The following ATOSA variants were observed in gnomAD, a reference collection of about 807,000 sequenced individuals.
ATOSA encodes the protein atos homolog A.
the ATOSA span, among the ~76,000 whole-genome samples, chr15:52,618,677 TTTCTTC>T: frequency 3.3e-5 from 5 of 152,018 alleles, no homozygotes; most frequent in African/African-American, 7.2e-5. Flanking sequence ...AAAAAAGTAT[TTTCTTC>T]TTCTTCTTCT....
chr15:52,634,502 A>G, the ATOSA span, among the ~76,000 whole-genome samples: 3 of 152,186 alleles, frequency 2.0e-5, no homozygotes, highest in African/African-American at 7.2e-5. Flanking sequence ...TGTGAATGGT[A>G]TAAGCATCTT....
the ATOSA span, among the ~76,000 whole-genome samples, chr15:52,616,669 C>T: frequency 6.6e-6 from 1 of 152,124 alleles, no homozygotes; most frequent in Non-Finnish European, 1.5e-5. Flanking sequence ...GTCTATTTCC[C>T]AGGACACTGG....
At chr15:52,639,007 G>C in the ATOSA span, among the ~76,000 whole-genome samples, 1 of 148,208 alleles carries the variant, frequency 6.7e-6, no homozygotes, top group African/African-American at 2.5e-5. Flanking sequence ...AATTACTGGA[G>C]AAAGTGACTT....
At chr15:52,597,226 TTCTATTCTATTCTATTCTATTC>T in the ATOSA span, among the ~76,000 whole-genome samples, 12 of 8,140 alleles carry the variant, frequency 1.5e-3, no homozygotes, top group African/African-American at 1.2e-3. Flanking sequence ...TTCTATTCTA[TTCTATTCTATTCTATTCTATTC>T]TCTATTCTAT....
chr15:52,588,698 C>T, the ATOSA span, among the ~76,000 whole-genome samples: 2 of 152,176 alleles, frequency 1.3e-5, no homozygotes, highest in Non-Finnish European at 2.9e-5. Flanking sequence ...GTGATCCACC[C>T]GCCTCTGCCA....
At chr15:52,678,795 C>T in the ATOSA span, 1 of 153,268 alleles carries the variant, frequency 6.5e-6, no homozygotes, top group African/African-American at 2.4e-5. Context: ...TCCGTCCCGC[C>T]GCGGCCCCGG....
the ATOSA span, chr15:52,678,177 C>T: frequency 4.6e-6 from 4 of 865,162 alleles, no homozygotes; most frequent in Non-Finnish European, 7.5e-6. Flanking sequence ...CCGGACCTTG[C>T]AAGTAAACTA....
chr15:52,603,593 T>C, the ATOSA span, among the ~76,000 whole-genome samples: 1 of 19,702 alleles, frequency 5.1e-5, no homozygotes, highest in East Asian at 1.6e-3. Flanking sequence ...TAAGTGTCCA[T>C]CAATAGATGA....
the ATOSA span, among the ~76,000 whole-genome samples, chr15:52,645,699 C>T: frequency 6.6e-6 from 1 of 152,202 alleles, no homozygotes; most frequent in African/African-American, 2.4e-5. Context: ...AACCATCAGA[C>T]ACAATTCATC....
the ATOSA span, chr15:52,585,134 A>G: frequency 9.5e-5 from 46 of 486,158 alleles, no homozygotes; most frequent in African/African-American, 8.5e-4. Context: ...AAAAGGTTCA[A>G]TTTTTTGTTT....
At chr15:52,626,084 A>C in the ATOSA span, among the ~76,000 whole-genome samples, 1 of 152,200 alleles carries the variant, frequency 6.6e-6, no homozygotes, top group Non-Finnish European at 1.5e-5. Flanking sequence ...TTAAATTTAA[A>C]ATAAAACTAA....
the ATOSA span, among the ~76,000 whole-genome samples, chr15:52,612,386 T>C: frequency 6.6e-6 from 1 of 152,208 alleles, no homozygotes; most frequent in Non-Finnish European, 1.5e-5. Context: ...GCCTCTGAGT[T>C]GGCCCAGCCT....
At chr15:52,583,680 C>A in the ATOSA span, among the ~76,000 whole-genome samples, 1 of 152,158 alleles carries the variant, frequency 6.6e-6, no homozygotes. Context: ...GCCACCGTGC[C>A]CGGCTATACC....
At chr15:52,673,269 A>G in the ATOSA span, among the ~76,000 whole-genome samples, 1 of 152,236 alleles carries the variant, frequency 6.6e-6, no homozygotes, top group African/African-American at 2.4e-5. Context: ...CCAAGATCAC[A>G]ATACTTACCA....
chr15:52,634,665 G>C, the ATOSA span, among the ~76,000 whole-genome samples: 1 of 148,804 alleles, frequency 6.7e-6, no homozygotes, highest in Non-Finnish European at 1.5e-5. Flanking sequence ...GCAGTGGCGC[G>C]ATCTCGGCTC....
chr15:52,600,871 G>A, the ATOSA span, among the ~76,000 whole-genome samples: 721 of 151,044 alleles, frequency 4.8e-3, 8 homozygotes, highest in African/African-American at 0.017. Context: ...TAAAACCAAT[G>A]TAAGAGTTTA....
the ATOSA span, among the ~76,000 whole-genome samples, chr15:52,687,239 A>G: frequency 6.6e-6 from 1 of 152,138 alleles, no homozygotes; most frequent in Non-Finnish European, 1.5e-5. Context: ...CCCCATCTCC[A>G]CTACAAATAC....
At chr15:52,697,854 G>A in the ATOSA span, among the ~76,000 whole-genome samples, 6 of 150,124 alleles carry the variant, frequency 4.0e-5, no homozygotes, top group South Asian at 2.1e-4. Context: ...TATATGACTC[G>A]TCAGGGGAAC....
the ATOSA span, among the ~76,000 whole-genome samples, chr15:52,669,641 A>G: frequency 6.6e-6 from 1 of 152,246 alleles, no homozygotes; most frequent in Non-Finnish European, 1.5e-5. Flanking sequence ...GGAAACCAAA[A>G]TATGAAAACT....
Sources: gnomAD v4.1 joint callset for allele counts (sites outside exome capture counted in the v4.1 genomes callset) on GRCh38, gnomAD v4.1.1 for gene constraint, MANE v1.5 for transcripts, NCBI Gene and HGNC (gene_info 2026-07-23, HGNC 2026-07-21) for gene names.